TBC1D17: variants seen among roughly 807,000 people sequenced by gnomAD.
TBC1D17 encodes the protein TBC1 domain family, member 17.
A neutral mutation model predicts 78.8 loss-of-function variants in TBC1D17; 69 were observed. The observed-to-expected ratio is 0.88, with a 90% CI of 0.72 to 1.07. The LOEUF (loss-of-function observed/expected upper bound fraction) is 1.07, where lower values mean the gene tolerates loss of function less well. TBC1D17 is among the 50% of genes least tolerant of loss of function. The probability of loss-of-function intolerance (pLI) is 0.00; values close to 1 mark genes in which losing one functional copy is unlikely to be tolerated. For synonymous variants in TBC1D17, 456 were observed against 358.3 expected, an observed-to-expected ratio of 1.27 and a Z score of -3.08; for missense variants, 957 against 861.0, an observed-to-expected ratio of 1.11 and a Z score of -1.39.
In TBC1D17 at chr19:49,882,388, G is replaced by A; in HGVS notation, c.786G>A (p.Glu262=). Residue 262 remains glutamate, a synonymous_variant, in exon 7 of 17, where the codon GAG becomes GAA. Transcript: ENST00000221543. ...ACGATGAGCCCGAGCCTGGATTCGA[G>A]GTCATTTCCTGTGTGAGTAGTGAGT... ...PPDDEPEPGF[E]VISCVELGPR... is the part of the protein sequence containing the mutation. 1.2e-6 allele frequency: 2 copies of A among 1,605,970 alleles called. No individual in the cohort carries two copies. The highest frequency in any genetic ancestry group is 1.7e-6 in the Non-Finnish European group (2 of 1,179,404).
At chr19:49,877,852 C>T in intron 1 of TBC1D17, 108 bp downstream of exon 1, 1 of 1,350,080 alleles carries the variant, frequency 7.4e-7, no homozygotes. Context: ...ACGGCCTTGG[C>T]AAACACCGAT....
Position 49,887,838 on chromosome 19 carries a change from A to AGGCTCC in TBC1D17, c.1659+8_1659+13dup, listed in dbSNP as rs779029747. 1.9e-6 allele frequency: 3 copies of AGGCTCC among 1,604,320 alleles called. No individual in the cohort carries two copies. The Admixed American group carries it at 5.1e-5, about 27-fold the overall frequency. On this transcript the variant is annotated splice_donor_region_variant and intron_variant, in intron 15 of 16. Transcript: ENST00000221543. ...CGGCTCCAATGAGATCCTCAAGGTG[A>AGGCTCC]GGCTCCGGCCCCGCCCCCGCCCTGT...
At position 49,887,584 on chromosome 19, in the gene TBC1D17, C is replaced by A; in HGVS notation, c.1542+11C>A. 2 of 1,613,964 alleles carry A rather than the reference C, an allele frequency of 1.2e-6. No individual in the cohort carries two copies. The highest frequency in any genetic ancestry group is 2.2e-5 in the South Asian group (2 of 91,002). On this transcript the variant is annotated intron_variant, in intron 14 of 16. Coordinates refer to ENST00000221543, the MANE Select transcript of TBC1D17 (RefSeq NM_024682.3). ...CTTCGGCTGTGGGAGGTGGGCCAGC[C>A]AGTTTGGGCGAGAGGCCTGAAGGGG...
chr19:49,884,206 GC>G, intron 10 of TBC1D17, 46 bp from the exon 11 acceptor site: 3 of 1,560,566 alleles, frequency 1.9e-6, no homozygotes, highest in Non-Finnish European at 2.6e-6. Context: ...GCAGGGATGG[GC>G]CCCCCTACCT....
intron 13 of TBC1D17, chr19:49,887,029 G>GT (rs1600453848): frequency 5.1e-6 from 1 of 197,986 alleles, no homozygotes; most frequent in East Asian, 1.4e-4. Flanking sequence ...TAGAGATGGG[G>GT]TTTTACCATG....
rs376680096 is a variant in TBC1D17 at position 49,884,557 on chromosome 19, G to A, written c.1342G>A (p.Val448Met). The A allele has an allele frequency of 3.6e-5, 58 of 1,614,058 alleles. No homozygotes were observed. Among genetic ancestry groups the A allele is most frequent in the East Asian group, 4.5e-5 (2 of 44,900 alleles). ...FWCFCGFMEL[V>M]QGNFEESQET... is the part of the protein sequence containing the mutation. ...GTGTTTCTGTGGCTTCATGGAGCTC[G>A]TGGTGAGGCTTGGGTCAGGGGTGGG... is the stretch of plus-strand genomic sequence containing the variant. Residue 448 changes from valine to methionine, a missense_variant and splice_region_variant, in exon 12 of 17, where the codon GTG becomes ATG. Physicochemically the swap from Val to Met is conservative, Grantham distance 21. Transcript: ENST00000221543.
rs1412701462 is a variant in TBC1D17, at chr19:49,884,258, G to A, written c.1132G>A (p.Asp378Asn). 6.2e-7 allele frequency: 1 copy of A among 1,613,704 alleles called. No homozygotes were observed. Among genetic ancestry groups the A allele is most frequent in the Non-Finnish European group, 8.5e-7 (1 of 1,180,020 alleles). ...CCTGTGCCCGGTCCCCGCAGAAAGGGATGTGAGCCGCACTGACAGGACCAA... is the reference window on the plus strand; with the variant it reads ...CCTGTGCCCGGTCCCCGCAGAAAGGAATGTGAGCCGCACTGACAGGACCAA... The part of the protein sequence containing the change: ...LHGYRSLIER[D>N]VSRTDRTNKF... The change falls in exon 11 of 17, where the codon GAT becomes AAT. Residue 378 changes from aspartate to asparagine, a missense_variant. Physicochemically the swap from Asp to Asn is conservative, Grantham distance 23. Coordinates refer to ENST00000221543, the MANE Select transcript of TBC1D17 (RefSeq NM_024682.3).
chr19:49,885,875 T>A lies in TBC1D17; in HGVS notation c.1444+1117T>A, dbSNP rs181386997. Among the ~76,000 whole-genome samples the A allele has an allele frequency of 1.5e-3, 220 of 148,540 alleles. 1 individual carries two copies. The highest frequency in any genetic ancestry group is 5.4e-3 in the African/African-American group (214 of 39,874). On this transcript the variant is annotated intron_variant, in intron 13 of 16. Coordinates refer to ENST00000221543, the MANE Select transcript of TBC1D17 (RefSeq NM_024682.3). ...TGTAATCCCAGCTGTTGGGATCGGCTGAGGCACAAGAATCACTCGAACTGG... is the reference window on the plus strand; with the variant it reads ...TGTAATCCCAGCTGTTGGGATCGGCAGAGGCACAAGAATCACTCGAACTGG...
intron 4 of TBC1D17, 126 bp downstream of exon 4, chr19:49,880,528 A>G: frequency 2.3e-6 from 3 of 1,283,416 alleles, no homozygotes; most frequent in Non-Finnish European, 3.2e-6. Context: ...ACCACCTTCC[A>G]GTCCCAGGAG....
chr19:49,888,526 G>GGCCCCCCC lies in TBC1D17; in HGVS notation c.1849_1850insGCCCCCCC (p.Ala617GlyfsTer48). On this transcript the variant is annotated frameshift_variant, in exon 17 of 17. Transcript: ENST00000221543. LOFTEE classifies it low-confidence loss of function (END_TRUNC). ...CCCGCTGCCTCTGTCGCCCACCCGG[G>GGCCCCCCC]CCCCGCCCACCCCGCCGCCCTCCAC... 6.5e-7 allele frequency: 1 copy of GGCCCCCCC among 1,533,218 alleles called. No homozygotes were observed. The highest frequency in any genetic ancestry group is 8.8e-7 in the Non-Finnish European group (1 of 1,141,160). The allele number at this position is 1,533,218 out of a possible 1,614,324, so 95.0% of individuals were successfully genotyped here.
intron 3 of TBC1D17, 37 bp from the exon 4 acceptor site, chr19:49,880,242 C>T: frequency 8.1e-6 from 13 of 1,610,238 alleles, no homozygotes; most frequent in East Asian, 2.2e-5. Context: ...GATCTGAATC[C>T]ATGGCCCCTT....
intron 3 of TBC1D17, chr19:49,879,618 T>G (rs978251046): frequency 6.6e-6 from 1 of 151,746 alleles, no homozygotes; most frequent in East Asian, 1.9e-4. Context: ...TTTTTTTTTT[T>G]TTTGACAGTC....
intron 3 of TBC1D17, 195 bp downstream of exon 3, chr19:49,878,767 G>T: frequency 1.7e-6 from 1 of 593,654 alleles, no homozygotes. Flanking sequence ...CAAGGAAAAA[G>T]AGCAGGGAGC....
rs775413693 is a variant in TBC1D17, at chr19:49,882,720, C to A, written c.799-44C>A. ...GGACTGAGGCTGGGTTGGGTCCCCCCACCACCCCGCCGAGCCCCAGGCTCA... is the reference window on the plus strand; with the variant it reads ...GGACTGAGGCTGGGTTGGGTCCCCCAACCACCCCGCCGAGCCCCAGGCTCA... On this transcript the variant is annotated intron_variant, in intron 7 of 16. Coordinates refer to ENST00000221543, the MANE Select transcript of TBC1D17 (RefSeq NM_024682.3). 69 of 1,484,906 alleles carry A rather than the reference C, an allele frequency of 4.6e-5. No homozygotes were observed. In the South Asian group the frequency reaches 6.6e-4, roughly 14 times the overall value. 92.0% of individuals were successfully genotyped at this position (1,484,906 alleles called of 1,614,324 possible). A position where few individuals can be genotyped will look rare whatever the true frequency, so the allele number is the denominator to read the frequency against.
intron 15 of TBC1D17, 160 bp from the exon 16 acceptor site, chr19:49,888,071 C>A: frequency 1.6e-6 from 2 of 1,228,860 alleles, no homozygotes; most frequent in South Asian, 1.5e-5. Context: ...GCTCAGAATG[C>A]TCCCGGAGGC....
chr19:49,888,402 T>G (rs1254741795), intron 16 of TBC1D17, 22 bp from the exon 17 acceptor site: 1 of 1,370,148 alleles, frequency 7.3e-7, no homozygotes, highest in East Asian at 4.0e-5. Flanking sequence ...CGCTTTTCGC[T>G]TCTCTCATCC....
rs753509322 is a variant in TBC1D17, at chr19:49,884,737, C to T, written c.1423C>T (p.Pro475Ser). ...GCTGCTGCTCCTGAGGGTGCTGGACCCCCTGCTCTGCGACTTCCTGGGTAT... is the reference window on the plus strand; with the variant it reads ...GCTGCTGCTCCTGAGGGTGCTGGACTCCCTGCTCTGCGACTTCCTGGGTAT... Reference protein sequence around the residue: ...RLLLLLRVLDPLLCDFLDSQD... With the variant: ...RLLLLLRVLDSLLCDFLDSQD... Residue 475 changes from proline to serine, a missense_variant, in exon 13 of 17, where the codon CCC becomes TCC. Transcript: ENST00000221543. 6.2e-7 allele frequency: 1 copy of T among 1,613,802 alleles called. No individual in the cohort carries two copies. The highest frequency in any genetic ancestry group is 2.2e-5 in the East Asian group (1 of 44,890).
chr19:49,879,765 T>G (rs1376834901), intron 3 of TBC1D17, among the ~76,000 whole-genome samples: 2 of 151,888 alleles, frequency 1.3e-5, no homozygotes, highest in African/African-American at 2.4e-5. Flanking sequence ...GACCTCCCCA[T>G]GCAGTGGGAG....
chr19:49,878,206 T>A lies in TBC1D17; in HGVS notation c.85T>A (p.Ser29Thr), dbSNP rs763676011. The change falls in exon 2 of 17, where the codon TCT becomes ACT. Residue 29 changes from serine (S) to threonine (T), a missense_variant. By Grantham distance (58) the Ser-to-Thr change is moderately conservative. Transcript: ENST00000221543. Reference protein sequence around the residue: ...TSAKKYQDRDSLIAGVIRVVE... With the variant: ...TSAKKYQDRDTLIAGVIRVVE... ...CGCTAAGAAGTATCAGGACCGAGAC[T>A]CTCTCATCGCTGGTGTCATCCGTGT... 44 of 1,566,734 alleles carry A rather than the reference T, an allele frequency of 2.8e-5. No homozygotes were observed. Among genetic ancestry groups the A allele is most frequent in the South Asian group, 1.8e-4 (15 of 85,272 alleles).
Sources: allele counts gnomAD v4.1 joint callset (sites outside exome capture counted in the v4.1 genomes callset), GRCh38; gene constraint gnomAD v4.1.1; transcripts MANE v1.5; gene names NCBI Gene and HGNC (gene_info 2026-07-23, HGNC 2026-07-21).